The following LYPLAL1 variants were observed in gnomAD, a reference collection of about 807,000 sequenced individuals.
LYPLAL1 encodes lysophospholipase-like protein 1.
LYPLAL1 carries 23 observed loss-of-function variants against 19.7 expected under a neutral mutation model. The ratio of observed to expected loss-of-function variants is 1.17; its 90% CI spans 0.84 to 1.65. LYPLAL1 has a LOEUF of 1.65. Ranked by LOEUF, LYPLAL1 falls within the 40% of genes most tolerant of loss-of-function variation. LYPLAL1 has a pLI of 0.00. For synonymous variants in LYPLAL1, 119 were observed against 96.3 expected, an observed-to-expected ratio of 1.24 and a Z score of -1.38; for missense variants, 355 against 279.4, an observed-to-expected ratio of 1.27 and a Z score of -1.93.
At chr1:219,399,872 G>A in the LYPLAL1 span, among the ~76,000 whole-genome samples, 2 of 152,100 alleles carry the variant, frequency 1.3e-5, no homozygotes, top group African/African-American at 4.8e-5. Context: ...CCAGGGGTTT[G>A]GCCATCCCTA....
the LYPLAL1 span, among the ~76,000 whole-genome samples, chr1:219,260,059 G>C: frequency 2.6e-5 from 4 of 151,646 alleles, no homozygotes; most frequent in Admixed American, 1.3e-4. Context: ...GGGTAAATTA[G>C]TACAAATCCA....
chr1:219,181,514 T>G (rs1274988071), intron 2 of LYPLAL1, among the ~76,000 whole-genome samples: 1 of 152,198 alleles, frequency 6.6e-6, no homozygotes, highest in East Asian at 1.9e-4. Context: ...TTAAATTATT[T>G]AATTGCAATA....
the LYPLAL1 span, among the ~76,000 whole-genome samples, chr1:219,342,853 G>A: frequency 6.6e-6 from 1 of 152,188 alleles, no homozygotes; most frequent in Non-Finnish European, 1.5e-5. Context: ...AAAACAAAAA[G>A]TAAAATGGTT....
At chr1:219,212,883 T>C (rs1181503363), downstream of LYPLAL1, 2 of 152,084 alleles carry the variant, frequency 1.3e-5, no homozygotes, top group African/African-American at 4.8e-5. Context: ...CATCGACCTA[T>C]GTTATTTTTC....
At chr1:219,279,078 T>C in the LYPLAL1 span, among the ~76,000 whole-genome samples, 1 of 152,130 alleles carries the variant, frequency 6.6e-6, no homozygotes, top group Non-Finnish European at 1.5e-5. Context: ...AATGCTCCCG[T>C]GTGACTGTCT....
the LYPLAL1 span, among the ~76,000 whole-genome samples, chr1:219,381,731 ATCATTCAT>A: frequency 1.4e-4 from 22 of 152,308 alleles, no homozygotes; most frequent in East Asian, 2.1e-3. Flanking sequence ...AATATTATGC[ATCATTCAT>A]TCATTCATTC....
chr1:219,346,226 A>G, the LYPLAL1 span, among the ~76,000 whole-genome samples: 5 of 152,192 alleles, frequency 3.3e-5, no homozygotes, highest in African/African-American at 1.2e-4. Context: ...AAGTTTATAC[A>G]GCAAGGAAGG....
At chr1:219,432,104 C>T in the LYPLAL1 span, among the ~76,000 whole-genome samples, 2 of 152,162 alleles carry the variant, frequency 1.3e-5, no homozygotes, top group Non-Finnish European at 2.9e-5. Context: ...ACATCTCTTT[C>T]CTGGGGCTAA....
the LYPLAL1 span, among the ~76,000 whole-genome samples, chr1:219,389,024 A>C: frequency 1.3e-5 from 2 of 152,188 alleles, no homozygotes; most frequent in Non-Finnish European, 2.9e-5. Flanking sequence ...TTACACATTT[A>C]AAATATTATT....
chr1:219,175,600 T>C (rs1187065485), intron 1 of LYPLAL1, among the ~76,000 whole-genome samples: 1 of 152,226 alleles, frequency 6.6e-6, no homozygotes, highest in Non-Finnish European at 1.5e-5. Flanking sequence ...TTCAGAGTCA[T>C]GTATGTATGT....
chr1:219,343,378 T>C, the LYPLAL1 span, among the ~76,000 whole-genome samples: 1 of 152,142 alleles, frequency 6.6e-6, no homozygotes, highest in Non-Finnish European at 1.5e-5. Context: ...GGATCCATGG[T>C]TTTACCACAG....
intron 3 of LYPLAL1, among the ~76,000 whole-genome samples, chr1:219,194,153 C>T (rs1239122376): frequency 6.6e-6 from 1 of 151,800 alleles, no homozygotes; most frequent in Non-Finnish European, 1.5e-5. Flanking sequence ...TTGAAAGCAG[C>T]GTGGCCTCTA....
the LYPLAL1 span, among the ~76,000 whole-genome samples, chr1:219,314,102 G>A: frequency 6.6e-6 from 1 of 152,302 alleles, no homozygotes; most frequent in African/African-American, 2.4e-5. Context: ...TCTGGTGTCA[G>A]TTTTCTTAGG....
chr1:219,388,286 G>C, the LYPLAL1 span, among the ~76,000 whole-genome samples: 1 of 152,020 alleles, frequency 6.6e-6, no homozygotes, highest in African/African-American at 2.4e-5. Context: ...TAAAAATACA[G>C]ACTTTCTCAG....
intron 3 of LYPLAL1, among the ~76,000 whole-genome samples, chr1:219,205,193 T>C (rs889330639): frequency 6.6e-6 from 1 of 151,162 alleles, no homozygotes; most frequent in Non-Finnish European, 1.5e-5. Flanking sequence ...CCGTCTCTAC[T>C]ACAAATACAA....
At chr1:219,218,527 T>C in the LYPLAL1 span, among the ~76,000 whole-genome samples, 1 of 151,338 alleles carries the variant, frequency 6.6e-6, no homozygotes, top group Admixed American at 6.6e-5. Context: ...GGTCATTAGC[T>C]ATTGTTAGTG....
At chr1:219,231,343 A>G in the LYPLAL1 span, among the ~76,000 whole-genome samples, 1 of 152,200 alleles carries the variant, frequency 6.6e-6, no homozygotes, top group African/African-American at 2.4e-5. Flanking sequence ...ACTGTAAAAC[A>G]ATGCAAGAAC....
the LYPLAL1 span, among the ~76,000 whole-genome samples, chr1:219,262,172 T>C: frequency 1.8e-4 from 27 of 152,304 alleles, no homozygotes; most frequent in African/African-American, 6.0e-4. Context: ...TGTATTTCTC[T>C]AAATGTGTCT....
At chr1:219,329,438 T>C in the LYPLAL1 span, among the ~76,000 whole-genome samples, 1 of 152,214 alleles carries the variant, frequency 6.6e-6, no homozygotes, top group East Asian at 1.9e-4. Context: ...CAGTGTAAGA[T>C]TCTTGGGAAC....
Sources: allele counts gnomAD v4.1 joint callset (sites outside exome capture counted in the v4.1 genomes callset), GRCh38; gene constraint gnomAD v4.1.1; transcripts MANE v1.5; gene names NCBI Gene and HGNC (gene_info 2026-07-23, HGNC 2026-07-21).